The following RAD1 variants were observed in gnomAD, a reference collection of about 807,000 sequenced individuals.
RAD1 encodes RAD1 checkpoint DNA exonuclease.
In RAD1, 21 loss-of-function variants were observed where a neutral mutation model predicts 30.0. The ratio of observed to expected loss-of-function variants is 0.70; its 90% CI spans 0.50 to 1.01. RAD1 has a LOEUF of 1.01. Among genes scored for constraint, RAD1 ranks in the 50% least tolerant of loss-of-function variants. The probability of loss-of-function intolerance (pLI) is 0.00; values close to 1 mark genes in which losing one functional copy is unlikely to be tolerated. For missense variants in RAD1, 329 were observed against 329.0 expected, an observed-to-expected ratio of 1.00 and a Z score of 0.00; for synonymous variants, 109 against 113.6, an observed-to-expected ratio of 0.96 and a Z score of 0.26.
At chr5:34,910,428 TTTTC>T (rs1269555836) in intron 4 of RAD1, among the ~76,000 whole-genome samples, 50 of 149,954 alleles carry the variant, frequency 3.3e-4, no homozygotes, top group African/African-American at 1.1e-3. Flanking sequence ...ATTCTTTTTC[TTTTC>T]TTTTTTTTTT....
At chr5:34,911,445 T>A (rs551460703) in intron 4 of RAD1, 109 bp downstream of exon 4, 2 of 1,362,646 alleles carry the variant, frequency 1.5e-6, no homozygotes, top group Admixed American at 2.2e-5. Context: ...TCTAAAGTTG[T>A]GAAAACTCTA....
At chr5:34,913,968 C>T (rs975047977) in intron 2 of RAD1, 13 of 457,036 alleles carry the variant, frequency 2.8e-5, no homozygotes, top group Non-Finnish European at 4.4e-5. Flanking sequence ...GATCTTCGTG[C>T]TTCAGCCTCG....
chr5:34,913,257 TA>T (rs2069471), intron 3 of RAD1, among the ~76,000 whole-genome samples: 23 of 149,616 alleles, frequency 1.5e-4, no homozygotes, highest in African/African-American at 3.9e-4. Flanking sequence ...CCTTGTAAAT[TA>T]AAAAAAAAAT....
In RAD1 at chr5:34,908,674, A is replaced by G. The variant is rs945391603; in HGVS notation, c.*91T>C. ...CCCATTGTGCTTCTTCTCTATAGAAAATCCAATATGAAATGACAAAGAGTA... is the reference window on the plus strand; with the variant it reads ...CCCATTGTGCTTCTTCTCTATAGAAGATCCAATATGAAATGACAAAGAGTA... On this transcript the variant is annotated 3_prime_UTR_variant, in exon 6 of 6. Coordinates refer to ENST00000382038, the MANE Select transcript of RAD1 (RefSeq NM_002853.4). 8.4e-7 allele frequency: 1 copy of G among 1,196,256 alleles called. No homozygotes were observed. Among genetic ancestry groups the G allele is most frequent in the African/African-American group, 1.5e-5 (1 of 65,188 alleles). The allele number at this position is 1,196,256 out of a possible 1,614,324, so 74.1% of individuals were successfully genotyped here. A position where few individuals can be genotyped will look rare whatever the true frequency, so the allele number is the denominator to read the frequency against.
Position 34,905,565 on chromosome 5 carries a change from T to C in RAD1, c.*3200A>G, listed in dbSNP as rs1763621939. 7.1e-6 allele frequency: 1 copy of C among 140,094 alleles called. No individual in the cohort carries two copies. Among genetic ancestry groups the C allele is most frequent in the Non-Finnish European group, 1.6e-5 (1 of 62,992 alleles). The allele number at this position is 140,094 out of a possible 1,614,324, so 8.7% of individuals were successfully genotyped here. ...AATTCTCGGTGGAAGCACTACATCA[T>C]CGAATGGGAAATCAACAAATGAAAA... On this transcript the variant is annotated 3_prime_UTR_variant, in exon 6 of 6. Coordinates refer to ENST00000382038, the MANE Select transcript of RAD1 (RefSeq NM_002853.4).
Position 34,908,877 on chromosome 5 carries a change from T to G in RAD1, c.737A>C (p.Asp246Ala). ...CTGTAATGAAAGGAAGCCTCTGTTATCTGTCCGAATAGATACCTTACAAGA... is the reference window on the plus strand; with the variant it reads ...CTGTAATGAAAGGAAGCCTCTGTTAGCTGTCCGAATAGATACCTTACAAGA... Reference protein sequence around the residue: ...VLSCKVSIRTDNRGFLSLQYM... With the variant: ...VLSCKVSIRTANRGFLSLQYM... Residue 246 changes from aspartate (D) to alanine (A), a missense_variant, in exon 6 of 6, where the codon GAT (aspartate) becomes GCT (alanine). By Grantham distance (126) the Asp-to-Ala change is moderately radical. Coordinates refer to ENST00000382038, the MANE Select transcript of RAD1 (RefSeq NM_002853.4). The G allele has an allele frequency of 6.2e-7, 1 of 1,613,236 alleles. No homozygotes were observed. The highest frequency in any genetic ancestry group is 8.5e-7 in the Non-Finnish European group (1 of 1,179,410).
At chr5:34,914,333 T>C (rs41271675) in intron 2 of RAD1, 472 of 296,740 alleles carry the variant, frequency 1.6e-3, no homozygotes, top group African/African-American at 9.6e-3. Context: ...CGTTTCCACA[T>C]ATATAAAACG....
At chr5:34,915,174 TG>T (rs1764013187) in intron 1 of RAD1, among the ~76,000 whole-genome samples, 1 of 152,140 alleles carries the variant, frequency 6.6e-6, no homozygotes, top group African/African-American at 2.4e-5. Flanking sequence ...TGAAAAGTTG[TG>T]AAGAATGAAG....
intron 2 of RAD1, 130 bp downstream of exon 2, chr5:34,914,565 A>T: frequency 1.2e-6 from 1 of 806,692 alleles, no homozygotes; most frequent in Non-Finnish European, 1.9e-6. Context: ...TTTATTTATT[A>T]AGTTATTTAT....
At chr5:34,911,931 T>G in intron 3 of RAD1, 119 bp from the exon 4 acceptor site, 6 of 1,177,442 alleles carry the variant, frequency 5.1e-6, no homozygotes, top group Non-Finnish European at 7.3e-6. Flanking sequence ...CTCACATATA[T>G]GTATCTCCTC....
At chr5:34,913,800 T>C in intron 2 of RAD1, 1 of 538,406 alleles carries the variant, frequency 1.9e-6, no homozygotes, top group Middle Eastern at 5.1e-4. Context: ...CCTTGTCTCG[T>C]TTTTGTGCCT....
At chr5:34,911,184 A>G (rs1252388576) in intron 4 of RAD1, among the ~76,000 whole-genome samples, 1 of 152,260 alleles carries the variant, frequency 6.6e-6, no homozygotes, top group East Asian at 1.9e-4. Flanking sequence ...CTTCTTCTGC[A>G]TCCTGAACTA....
rs764469858 is a variant in RAD1 at position 34,911,672 on chromosome 5, T to C, written c.448A>G (p.Thr150Ala). ...EETLDFDFCSTNVINKIILQS... is the reference protein window; with the variant it reads ...EETLDFDFCSANVINKIILQS... Reference sequence around the variant, plus strand: ...AGAATAATTTTATTAATAACATTGGTGCTGCAGAAATCAAAGTCCAGGGTC... The same window carrying C: ...AGAATAATTTTATTAATAACATTGGCGCTGCAGAAATCAAAGTCCAGGGTC... The change falls in exon 4 of 6, where the codon ACC becomes GCC. Residue 150 changes from threonine (T) to alanine (A), a missense_variant. Coordinates refer to ENST00000382038, the MANE Select transcript of RAD1 (RefSeq NM_002853.4). The C allele has an allele frequency of 6.2e-7, 1 of 1,614,162 alleles. No individual in the cohort carries two copies. The highest frequency in any genetic ancestry group is 8.5e-7 in the Non-Finnish European group (1 of 1,180,026).
At chr5:34,909,177 T>C in intron 5 of RAD1, 81 bp downstream of exon 5, 1 of 1,130,900 alleles carries the variant, frequency 8.8e-7, no homozygotes, top group Non-Finnish European at 1.3e-6. Context: ...ATTAACAGAT[T>C]GAAAGTGTTT....
rs1032850232 is a variant in RAD1 at position 34,908,706 on chromosome 5, T to G, written c.*59A>C. 9 of 1,426,600 alleles carry G rather than the reference T, an allele frequency of 6.3e-6. No homozygotes were observed. Among genetic ancestry groups the G allele is most frequent in the Non-Finnish European group, 8.6e-6 (9 of 1,046,968 alleles). 88.4% of individuals were successfully genotyped at this position (1,426,600 alleles called of 1,614,324 possible). A position where few individuals can be genotyped will look rare whatever the true frequency, so the allele number is the denominator to read the frequency against. On this transcript the variant is annotated 3_prime_UTR_variant, in exon 6 of 6. Coordinates refer to ENST00000382038, the MANE Select transcript of RAD1 (RefSeq NM_002853.4). ...TATGAAATGACAAAGAGTACTGTAC[T>G]CAGAATAAGAACTTCATCTATCATA...
At chr5:34,909,400 AACC>A (rs769671913) in intron 4 of RAD1, 44 bp from the exon 5 acceptor site, 4 of 1,367,748 alleles carry the variant, frequency 2.9e-6, no homozygotes, top group Admixed American at 1.7e-5. Flanking sequence ...TCCAAAAATA[AACC>A]ACATTAGGAT....
chr5:34,910,292 T>C (rs41271725), intron 4 of RAD1, among the ~76,000 whole-genome samples: 180 of 152,256 alleles, frequency 1.2e-3, no homozygotes, highest in African/African-American at 4.2e-3. Flanking sequence ...TGAAATACTG[T>C]TTTAAGTACC....
chr5:34,911,809 G>A lies in RAD1; in HGVS notation c.311C>T (p.Thr104Ile). 6.2e-7 allele frequency: 1 copy of A among 1,614,014 alleles called. No homozygotes were observed. The highest frequency in any genetic ancestry group is 1.3e-5 in the African/African-American group (1 of 75,048). The change falls in exon 4 of 6, where the codon ACT becomes ATT. Residue 104 changes from threonine (T) to isoleucine (I), a missense_variant. Thr to Ile is a moderately conservative substitution (Grantham distance 89). Coordinates refer to ENST00000382038, the MANE Select transcript of RAD1 (RefSeq NM_002853.4). ...SIFGSSPMPG[T>I]LTALRMCYQG... is the part of the protein sequence containing the mutation. ...GTAACACATTCGAAGTGCAGTTAAA[G>A]TCCCTGCAATGGAAAGAAGTCATAC...
In RAD1 at chr5:34,909,359, A is replaced by G. The variant is rs1763758569; in HGVS notation, c.567-3T>C. The G allele has an allele frequency of 6.4e-7, 1 of 1,561,082 alleles. No homozygotes were observed. The highest frequency in any genetic ancestry group is 8.8e-7 in the Non-Finnish European group (1 of 1,133,782). On this transcript the variant is annotated splice_region_variant and splice_polypyrimidine_tract_variant and intron_variant, in intron 4 of 5. Transcript: ENST00000382038. ...CTGCATTTCCAAAAGTAGATAACCT[A>G]TAGAAAATGATTACCTCATTTATTC... is the stretch of plus-strand genomic sequence containing the variant.
Sources: allele counts gnomAD v4.1 joint callset (sites outside exome capture counted in the v4.1 genomes callset), GRCh38; gene constraint gnomAD v4.1.1; transcripts MANE v1.5; gene names NCBI Gene and HGNC (gene_info 2026-07-23, HGNC 2026-07-21).